RGS6: variants seen among roughly 807,000 people sequenced by gnomAD.
The protein encoded by RGS6 is regulator of G-protein signaling 6.
Under a neutral mutation model 78.5 loss-of-function variants are expected in RGS6, and 30 were observed. The observed-to-expected ratio is 0.38, with a 90% CI of 0.29 to 0.52. The LOEUF is 0.52. Ranked by LOEUF, RGS6 falls within the 20% of genes least tolerant of loss-of-function variation. The probability of loss-of-function intolerance (pLI) is 0.85; values close to 1 mark genes in which losing one functional copy is unlikely to be tolerated. For synonymous variants in RGS6, 206 were observed against 206.0 expected, an observed-to-expected ratio of 1.00 and a Z score of 0.00; for missense variants, 495 against 609.7, an observed-to-expected ratio of 0.81 and a Z score of 1.98.
At chr14:71,885,411 G>C in the RGS6 span, among the ~76,000 whole-genome samples, 6 of 152,222 alleles carry the variant, frequency 3.9e-5, no homozygotes, top group Admixed American at 1.3e-4. Flanking sequence ...GAGCTGGGCA[G>C]TATTACAGCC....
intron 2 of RGS6, among the ~76,000 whole-genome samples, chr14:72,211,823 T>C (rs1300278164): frequency 6.6e-6 from 1 of 152,204 alleles, no homozygotes; most frequent in Non-Finnish European, 1.5e-5. Flanking sequence ...TGTTTGATTC[T>C]AAGGAATGTA....
At chr14:71,896,198 C>T in the RGS6 span, among the ~76,000 whole-genome samples, 2 of 152,110 alleles carry the variant, frequency 1.3e-5, no homozygotes, top group South Asian at 2.1e-4. Context: ...AGGTCAACTC[C>T]ACAGAGTAAA....
chr14:72,292,932 C>T (rs781468280), intron 2 of RGS6, among the ~76,000 whole-genome samples: 14 of 152,354 alleles, frequency 9.2e-5, no homozygotes, highest in Admixed American at 5.2e-4. Context: ...CATCACTTTT[C>T]CAACAGCTCT....
intron 2 of RGS6, among the ~76,000 whole-genome samples, chr14:72,102,129 A>G (rs750033233): frequency 1.1e-4 from 16 of 152,324 alleles, no homozygotes; most frequent in East Asian, 5.8e-4. Flanking sequence ...CTGTCTGTCA[A>G]TCTCTGGGTA....
chr14:72,590,965 T>C, the RGS6 span, among the ~76,000 whole-genome samples: 13 of 152,382 alleles, frequency 8.5e-5, no homozygotes, highest in Non-Finnish European at 1.6e-4. Flanking sequence ...TTTTATTTAC[T>C]ATGTGCACAT....
At chr14:71,940,260 C>T (rs553742000) in intron 1 of RGS6, among the ~76,000 whole-genome samples, 1 of 152,254 alleles carries the variant, frequency 6.6e-6, no homozygotes, top group East Asian at 1.9e-4. Context: ...CAGAGGTCTC[C>T]TTGGGGAAAG....
chr14:71,885,884 T>TTTCC, the RGS6 span, among the ~76,000 whole-genome samples: 77 of 151,880 alleles, frequency 5.1e-4, no homozygotes, highest in Admixed American at 3.1e-3. Flanking sequence ...AAATTCTTTC[T>TTTCC]TTCCTTCCTT....
intron 2 of RGS6, among the ~76,000 whole-genome samples, chr14:72,094,662 T>G (rs755858177): frequency 1.3e-5 from 2 of 152,180 alleles, no homozygotes; most frequent in Admixed American, 6.5e-5. Context: ...CTGCTATCTT[T>G]AGGAACATTT....
the RGS6 span, among the ~76,000 whole-genome samples, chr14:71,885,569 G>A: frequency 6.6e-6 from 1 of 152,234 alleles, no homozygotes; most frequent in Non-Finnish European, 1.5e-5. Flanking sequence ...CTCCTAGGAT[G>A]TGATGAGGGC....
At chr14:72,430,539 G>T (rs1467836072) in intron 3 of RGS6, among the ~76,000 whole-genome samples, 1 of 152,204 alleles carries the variant, frequency 6.6e-6, no homozygotes, top group Non-Finnish European at 1.5e-5. Context: ...AACAGCTTGG[G>T]ATGTGCACCC....
intron 2 of RGS6, among the ~76,000 whole-genome samples, chr14:72,077,974 A>AT (rs1372529888): frequency 6.6e-6 from 1 of 151,986 alleles, no homozygotes; most frequent in Non-Finnish European, 1.5e-5. Flanking sequence ...CTCTACCAGT[A>AT]TTTTTCTCCC....
At chr14:72,506,076 C>T (rs922115120) in intron 13 of RGS6, among the ~76,000 whole-genome samples, 26 of 152,158 alleles carry the variant, frequency 1.7e-4, no homozygotes, top group Non-Finnish European at 1.5e-5. Context: ...ATCCAGCTAG[C>T]GATTAGAAAA....
the RGS6 span, among the ~76,000 whole-genome samples, chr14:71,873,876 C>G: frequency 1.3e-5 from 2 of 152,298 alleles, no homozygotes; most frequent in African/African-American, 4.8e-5. Flanking sequence ...CCAGTTTTCC[C>G]AGCACCATTT....
downstream of RGS6, among the ~76,000 whole-genome samples, chr14:72,568,858 C>A (rs1365209495): frequency 1.3e-5 from 2 of 152,370 alleles, no homozygotes; most frequent in African/African-American, 2.4e-5. Context: ...CAAGGGAACA[C>A]GTGGACCTCC....
intron 2 of RGS6, among the ~76,000 whole-genome samples, chr14:72,308,007 C>T (rs1409023592): frequency 6.6e-6 from 1 of 152,096 alleles, no homozygotes; most frequent in East Asian, 1.9e-4. Flanking sequence ...TGGTAATTTA[C>T]AAATATTAAG....
chr14:72,464,658 G>A (rs1458975237), intron 6 of RGS6: 1 of 152,154 alleles, frequency 6.6e-6, no homozygotes. Flanking sequence ...TTCATCTACT[G>A]TTTTCCCTGG....
intron 3 of RGS6, among the ~76,000 whole-genome samples, chr14:72,387,815 G>A (rs2088707021): frequency 1.3e-5 from 2 of 152,176 alleles, no homozygotes; most frequent in Non-Finnish European, 1.5e-5. Flanking sequence ...TTATCTCACA[G>A]TTCTGGAGGC....
intron 2 of RGS6, among the ~76,000 whole-genome samples, chr14:72,338,264 C>G: frequency 6.6e-6 from 1 of 152,240 alleles, no homozygotes; most frequent in East Asian, 1.9e-4. Flanking sequence ...GTTTAACAGA[C>G]TCACGGTTCC....
At chr14:72,534,772 A>G (rs1185122155) in intron 15 of RGS6, among the ~76,000 whole-genome samples, 1 of 152,026 alleles carries the variant, frequency 6.6e-6, no homozygotes, top group Non-Finnish European at 1.5e-5. Flanking sequence ...TCCTCCTTCG[A>G]TCCCTTCCCT....
Sources: gnomAD v4.1 joint callset for allele counts (sites outside exome capture counted in the v4.1 genomes callset) on GRCh38, gnomAD v4.1.1 for gene constraint, MANE v1.5 for transcripts, NCBI Gene and HGNC (gene_info 2026-07-23, HGNC 2026-07-21) for gene names.